The following LRP2 variants were observed in gnomAD, a reference collection of about 807,000 sequenced individuals.
LRP2 encodes low-density lipoprotein receptor-related protein 2.
In LRP2, 172 loss-of-function variants were observed where a neutral mutation model predicts 531.0. That is an observed-to-expected ratio of 0.32 (90% CI 0.29 to 0.37). LRP2 has a LOEUF of 0.37. Ranked by LOEUF, LRP2 falls within the 10% of genes least tolerant of loss-of-function variation. The pLI is 1.00. For synonymous variants in LRP2, 1,992 were observed against 2,027.6 expected (o/e 0.98, Z 0.47); for missense variants, 5,167 against 5,868.3 (o/e 0.88, Z 3.90).
chr2:169,196,538 T>A (rs566409482), intron 46 of LRP2, among the ~76,000 whole-genome samples: 1 of 152,322 alleles, frequency 6.6e-6, no homozygotes, highest in Non-Finnish European at 1.5e-5. Context: ...CCCATGTATA[T>A]GACTCCAATC....
At chr2:169,193,345 C>T (rs1687893806) in intron 47 of LRP2, among the ~76,000 whole-genome samples, 2 of 150,174 alleles carry the variant, frequency 1.3e-5, no homozygotes, top group African/African-American at 2.5e-5. Context: ...GTGGGAGGAT[C>T]GCTTGAGCCT....
chr2:169,237,087 TA>T lies in LRP2; in HGVS notation c.4691+15del, dbSNP rs745679927. 11 of 1,606,260 alleles carry T rather than the reference TA, an allele frequency of 6.8e-6. No individual in the cohort carries two copies. The highest frequency in any genetic ancestry group is 3.3e-5 in the Admixed American group (2 of 59,970). ...TAACCATGTCAAGGCAACATAATTT[TA>T]AAAAAAAGTCTTACTTCATTCTGGG... On this transcript the variant is annotated intron_variant, in intron 28 of 78. Transcript: ENST00000649046.
chr2:169,194,872 C>T (rs190040732), intron 46 of LRP2, among the ~76,000 whole-genome samples: 3 of 150,594 alleles, frequency 2.0e-5, no homozygotes, highest in African/African-American at 7.3e-5. Context: ...CCACCGCGCC[C>T]GGCTAATTCT....
intron 4 of LRP2, among the ~76,000 whole-genome samples, chr2:169,295,845 A>C (rs1208138459): frequency 1.3e-5 from 2 of 150,628 alleles, no homozygotes; most frequent in Admixed American, 6.6e-5. Flanking sequence ...ACAAATGTGG[A>C]TATCTTCCTT....
Position 169,362,454 on chromosome 2 carries a change from G to T in LRP2, c.-55C>A. ...CTTCCCCGGGAGGTGGGCGCGCGTA[G>T]CACACCGCACCGGCAGCGCCTCTGC... is the stretch of plus-strand genomic sequence containing the variant. On this transcript the variant is annotated 5_prime_UTR_variant, in exon 1 of 79. Transcript: ENST00000649046. 5.6e-6 allele frequency: 8 copies of T among 1,434,336 alleles called. No homozygotes were observed. Among genetic ancestry groups the T allele is most frequent in the Non-Finnish European group, 7.6e-6 (8 of 1,050,452 alleles). 88.9% of individuals were successfully genotyped at this position (1,434,336 alleles called of 1,614,324 possible). A position where few individuals can be genotyped will look rare whatever the true frequency, so the allele number is the denominator to read the frequency against.
intron 68 of LRP2, among the ~76,000 whole-genome samples, chr2:169,147,299 T>C (rs1175420051): frequency 6.6e-6 from 1 of 152,196 alleles, no homozygotes; most frequent in South Asian, 2.1e-4. Context: ...CACTGTTCTG[T>C]GTTTGGGATC....
chr2:169,298,563 T>C (rs1004460653), intron 4 of LRP2, among the ~76,000 whole-genome samples: 2 of 151,704 alleles, frequency 1.3e-5, no homozygotes, highest in African/African-American at 4.8e-5. Context: ...GAAATGGTAA[T>C]AGAAAATTCT....
chr2:169,166,971 A>T (rs1009882244), intron 61 of LRP2, among the ~76,000 whole-genome samples: 1 of 152,190 alleles, frequency 6.6e-6, no homozygotes, highest in Non-Finnish European at 1.5e-5. Flanking sequence ...AAAGGGTCAG[A>T]TCTAAGGGCT....
At position 169,189,425 on chromosome 2, in the gene LRP2, T is replaced by C. The variant is rs140977440; in HGVS notation, c.9033-1160A>G. 3.2e-3 allele frequency among the ~76,000 whole-genome samples: 487 copies of C among 152,324 alleles called. 4 individuals are homozygous for C. In the Middle Eastern group the frequency reaches 0.048, roughly 15 times the overall value. On this transcript the variant is annotated intron_variant, in intron 48 of 78. Transcript: ENST00000649046. ...CTTCATTTGGTCTCCCGGGAGCTATTTAACTCATTTCCAAATGGTTTGAAA... is the reference window on the plus strand; with the variant it reads ...CTTCATTTGGTCTCCCGGGAGCTATCTAACTCATTTCCAAATGGTTTGAAA...
rs1397837827 is a variant in LRP2 at position 169,206,350 on chromosome 2, G to A, written c.7370C>T (p.Thr2457Ile). 1 of 1,614,112 alleles carries A rather than the reference G, an allele frequency of 6.2e-7. No homozygotes were observed. The highest frequency in any genetic ancestry group is 8.5e-7 in the Non-Finnish European group (1 of 1,180,022). ...SYATLSSGIH[T>I]PTVIASGIGT... Reference sequence around the variant, plus strand: ...CTTACCTGAAGCAATGACAGTTGGAGTATGGATCCCTGAAGACAGGGTGGC... The same window carrying A: ...CTTACCTGAAGCAATGACAGTTGGAATATGGATCCCTGAAGACAGGGTGGC... Residue 2457 changes from threonine to isoleucine, a missense_variant, in exon 39 of 79, where the codon ACT becomes ATT. By Grantham distance (89) the Thr-to-Ile change is moderately conservative. Transcript: ENST00000649046.
chr2:169,338,385 AAAG>A lies in LRP2; in HGVS notation c.80-17504_80-17502del, dbSNP rs1559082632. 3.6e-4 allele frequency among the ~76,000 whole-genome samples: 47 copies of A among 128,778 alleles called. No individual in the cohort carries two copies. In the South Asian group the frequency reaches 0.011, roughly 31 times the overall value. 84.5% of individuals were successfully genotyped at this position (128,778 alleles called of 152,430 possible). A position where few individuals can be genotyped will look rare whatever the true frequency, so the allele number is the denominator to read the frequency against. Reference sequence around the variant, plus strand: ...GAAAGAAAGAAAGAAAGAAAGAAAGAAAGAAAGAAAGAAAGAAAGAAAGAAAAG... The same window carrying A: ...GAAAGAAAGAAAGAAAGAAAGAAAGAAAAGAAAGAAAGAAAGAAAGAAAAG... On this transcript the variant is annotated intron_variant, in intron 1 of 78. Transcript: ENST00000649046.
chr2:169,224,194 G>C (rs192750558), intron 33 of LRP2, among the ~76,000 whole-genome samples: 174 of 152,354 alleles, frequency 1.1e-3, no homozygotes, highest in Non-Finnish European at 2.0e-3. Context: ...GAATGCTCCA[G>C]AGAAAAACCG....
intron 1 of LRP2, among the ~76,000 whole-genome samples, chr2:169,358,903 A>AAG (rs1686067258): frequency 6.6e-6 from 1 of 150,860 alleles, no homozygotes; most frequent in South Asian, 2.1e-4. Context: ...TTTCTCAAAA[A>AAG]AAAAAAAAAA....
chr2:169,307,525 C>A, intron 3 of LRP2, 128 bp from the exon 4 acceptor site: 1 of 688,036 alleles, frequency 1.5e-6, no homozygotes, highest in South Asian at 1.6e-5. Context: ...CTGGCTACCA[C>A]CAAGCTGAGC....
In LRP2 at chr2:169,244,875, T is replaced by C. The variant is rs768149308; in HGVS notation, c.3248A>G (p.His1083Arg). 6 of 1,614,254 alleles carry C rather than the reference T, an allele frequency of 3.7e-6. No individual in the cohort carries two copies. The highest frequency in any genetic ancestry group is 3.3e-5 in the South Asian group (3 of 91,090). ...TCGHGECIPA[H>R]WRCDKRNDCV... The stretch of plus-strand genomic sequence containing the variant: ...GTCGTTGCGTTTGTCACAGCGCCAG[T>C]GTGCAGGAATGCACTCCCCATGGCC... Residue 1083 changes from histidine (H) to arginine (R), a missense_variant, in exon 22 of 79, where the codon CAC becomes CGC. By Grantham distance (29) the His-to-Arg change is conservative. Around this residue, in one of 6 missense-constraint regions of LRP2, gnomAD observed 2,811 missense variants for 3,058.0 expected, o/e 0.92. Transcript: ENST00000649046.
At position 169,202,842 on chromosome 2, in the gene LRP2, G is replaced by C. The variant is rs765246382; in HGVS notation, c.8123C>G (p.Ser2708Cys). ...ERCGASSFTC[S>C]NGRCISEEWK... The stretch of plus-strand genomic sequence containing the variant: ...CTCTTCCGAGATGCAGCGCCCATTG[G>C]AGCAGGTGAAGGAAGATGCACCACA... The change falls in exon 43 of 79, where the codon TCC (serine) becomes TGC (cysteine). Residue 2708 changes from serine (S) to cysteine (C), a missense_variant. Around this residue, in one of 6 missense-constraint regions of LRP2, gnomAD observed 1,129 missense variants for 1,362.7 expected, o/e 0.83. Transcript: ENST00000649046. 5 of 1,614,030 alleles carry C rather than the reference G, an allele frequency of 3.1e-6. No homozygotes were observed. The highest frequency in any genetic ancestry group is 4.2e-6 in the Non-Finnish European group (5 of 1,180,018).
rs371810079 is a variant in LRP2, at chr2:169,284,649, C to T, written c.1043-1648G>A. 2.4e-4 allele frequency among the ~76,000 whole-genome samples: 36 copies of T among 152,184 alleles called. No homozygotes were observed. The South Asian group carries it at 6.4e-3, about 27-fold the overall frequency. On this transcript the variant is annotated intron_variant, in intron 9 of 78. Transcript: ENST00000649046. ...GCCAGCATATCTTTCTTTCCAAGGA[C>T]CGTGACTAACCAGAGGAAAAAAAAC...
chr2:169,344,310 C>T (rs1685642421), intron 1 of LRP2, among the ~76,000 whole-genome samples: 1 of 151,886 alleles, frequency 6.6e-6, no homozygotes, highest in South Asian at 2.1e-4. Context: ...TGATGCTCCC[C>T]TCCCTGTGTC....
At chr2:169,219,319 A>G (rs1443369340) in intron 34 of LRP2, among the ~76,000 whole-genome samples, 2 of 152,144 alleles carry the variant, frequency 1.3e-5, no homozygotes, top group African/African-American at 4.8e-5. Context: ...GCCAAAATCC[A>G]CTTGGAATGA....
Sources: allele counts gnomAD v4.1 joint callset (sites outside exome capture counted in the v4.1 genomes callset), GRCh38; gene constraint gnomAD v4.1.1; regional missense constraint gnomAD v4.1.1; transcripts MANE v1.5; gene names NCBI Gene and HGNC (gene_info 2026-07-23, HGNC 2026-07-21).